KCNMA1: variants seen among roughly 807,000 people sequenced by gnomAD.
The protein encoded by KCNMA1 is potassium calcium-activated channel subfamily M alpha 1.
KCNMA1 carries 29 observed loss-of-function variants against 140.0 expected under a neutral mutation model. The ratio of observed to expected loss-of-function variants is 0.21; its 90% CI spans 0.15 to 0.28. The LOEUF (loss-of-function observed/expected upper bound fraction) is 0.28. Among genes scored for constraint, KCNMA1 ranks in the 10% least tolerant of loss-of-function variants. The probability of loss-of-function intolerance (pLI) is 1.00; values close to 1 mark genes in which losing one functional copy is unlikely to be tolerated. For synonymous variants in KCNMA1, 612 were observed against 611.9 expected (o/e 1.00, Z 0.00); for missense variants, 880 against 1,602.2 (o/e 0.55, Z 7.70).
chr10:77,261,943 T>C (rs1483038361), intron 2 of KCNMA1, among the ~76,000 whole-genome samples: 1 of 152,196 alleles, frequency 6.6e-6, no homozygotes, highest in African/African-American at 2.4e-5. Context: ...TTTAATTTAA[T>C]TAGGTTTATG....
Position 77,005,870 on chromosome 10 carries a change from C to T in KCNMA1, c.2093-4290G>A, listed in dbSNP as rs143268105. Among the ~76,000 whole-genome samples, 47 of 152,272 alleles carry T rather than the reference C, an allele frequency of 3.1e-4. 2 individuals carry two copies. The highest frequency in any genetic ancestry group is 1.1e-3 in the African/African-American group (45 of 41,570). On this transcript the variant is annotated intron_variant, in intron 18 of 27. Transcript: ENST00000286628. ...TTTGTTTACTCTTGAGTGTTTAAAA[C>T]AAAAAGGCTTCTCAGAAGTGTTCTT...
chr10:76,969,300 GGGAAGGAAGGAAGGAA>G (rs150214377), intron 20 of KCNMA1, among the ~76,000 whole-genome samples: 2 of 109,288 alleles, frequency 1.8e-5, no homozygotes, highest in Non-Finnish European at 3.7e-5. Context: ...GAAGGAAGGA[GGGAAGGAAGGAAGGAA>G]GGAAGGAAGG....
At chr10:77,395,633 G>C (rs1386034850) in intron 2 of KCNMA1, among the ~76,000 whole-genome samples, 6 of 152,192 alleles carry the variant, frequency 3.9e-5, no homozygotes, top group Non-Finnish European at 7.3e-5. Flanking sequence ...CTCGAGGAGG[G>C]GGATGAGAAA....
intron 1 of KCNMA1, among the ~76,000 whole-genome samples, chr10:77,432,705 T>C (rs561448158): frequency 4.1e-4 from 62 of 152,324 alleles, no homozygotes; most frequent in Middle Eastern, 3.4e-3. Flanking sequence ...CATACTGTCA[T>C]TTCAAAAGAG....
At chr10:77,157,206 C>G (rs1366321147) in intron 5 of KCNMA1, among the ~76,000 whole-genome samples, 1 of 152,116 alleles carries the variant, frequency 6.6e-6, no homozygotes, top group Non-Finnish European at 1.5e-5. Flanking sequence ...CTATGGGAGG[C>G]TGAGGCAGGC....
chr10:77,324,967 C>CTGTG (rs1311945252), intron 2 of KCNMA1, among the ~76,000 whole-genome samples: 36 of 97,352 alleles, frequency 3.7e-4, no homozygotes, highest in South Asian at 1.9e-3. Context: ...CTCTCTCTCT[C>CTGTG]TCTCTGTGTG....
intron 2 of KCNMA1, among the ~76,000 whole-genome samples, chr10:77,328,686 G>C (rs1363582214): frequency 6.6e-6 from 1 of 152,068 alleles, no homozygotes; most frequent in Non-Finnish European, 1.5e-5. Context: ...TGATGCAAAT[G>C]GTATCAACAA....
chr10:76,982,277 A>G (rs1407695821), intron 19 of KCNMA1, among the ~76,000 whole-genome samples: 2 of 151,982 alleles, frequency 1.3e-5, no homozygotes, highest in African/African-American at 4.8e-5. Flanking sequence ...AGGGAGGGCT[A>G]CATGAAATGT....
chr10:77,254,507 G>A (rs1392117472), intron 2 of KCNMA1, among the ~76,000 whole-genome samples: 3 of 152,154 alleles, frequency 2.0e-5, no homozygotes, highest in Non-Finnish European at 4.4e-5. Flanking sequence ...ACAGGCATGA[G>A]CCACTGCACC....
chr10:76,933,302 G>C (rs974377750), intron 23 of KCNMA1, among the ~76,000 whole-genome samples: 2 of 152,212 alleles, frequency 1.3e-5, no homozygotes, highest in Non-Finnish European at 2.9e-5. Context: ...CCTCTACTGA[G>C]TGTCTACTAG....
At chr10:77,385,620 T>C (rs913642145) in intron 2 of KCNMA1, among the ~76,000 whole-genome samples, 2 of 152,234 alleles carry the variant, frequency 1.3e-5, no homozygotes, top group African/African-American at 4.8e-5. Context: ...TGTATGCGAA[T>C]ACTCTCCAAG....
intron 1 of KCNMA1, among the ~76,000 whole-genome samples, chr10:77,469,188 G>C (rs1161885820): frequency 6.6e-6 from 1 of 152,044 alleles, no homozygotes; most frequent in Non-Finnish European, 1.5e-5. Flanking sequence ...GCCACAATAG[G>C]AACCCCGCTA....
At chr10:77,570,888 G>A (rs957818463) in intron 1 of KCNMA1, among the ~76,000 whole-genome samples, 1 of 150,134 alleles carries the variant, frequency 6.7e-6, no homozygotes, top group Non-Finnish European at 1.5e-5. Context: ...ACAGGATTGC[G>A]CCACTGCACT....
At chr10:77,587,317 T>C (rs1409479664) in intron 1 of KCNMA1, among the ~76,000 whole-genome samples, 4 of 152,124 alleles carry the variant, frequency 2.6e-5, no homozygotes, top group Non-Finnish European at 5.9e-5. Flanking sequence ...AATATAGGCT[T>C]ATGTAAACAG....
At chr10:77,519,160 G>A (rs569624851) in intron 1 of KCNMA1, among the ~76,000 whole-genome samples, 16 of 152,352 alleles carry the variant, frequency 1.1e-4, no homozygotes, top group East Asian at 3.9e-4. Flanking sequence ...GCTTCAGCCC[G>A]CCTGGCCTGG....
chr10:77,560,987 G>T (rs1296772983), intron 1 of KCNMA1, among the ~76,000 whole-genome samples: 1 of 152,186 alleles, frequency 6.6e-6, no homozygotes, highest in Non-Finnish European at 1.5e-5. Flanking sequence ...CTGGAAAAAT[G>T]AGGGAGTGAG....
At chr10:76,940,799 A>G (rs989851950) in intron 23 of KCNMA1, among the ~76,000 whole-genome samples, 4 of 151,604 alleles carry the variant, frequency 2.6e-5, no homozygotes, top group African/African-American at 9.7e-5. Flanking sequence ...TGTCTCTACT[A>G]AAAATACAAA....
rs772878572 is a variant in KCNMA1 at position 77,082,002 on chromosome 10, C to CTTTTTTTTTTTTTTTTTTTTTTTTTTT, written c.1524-2453_1524-2452insAAAAAAAAAAAAAAAAAAAAAAAAAAA. On this transcript the variant is annotated intron_variant, in intron 12 of 27. Coordinates refer to ENST00000286628, the MANE Select transcript of KCNMA1 (RefSeq NM_001161352.2). ...CCTTTGACCAGTAATTTCTTTTTTT[C>CTTTTTTTTTTTTTTTTTTTTTTTTTTT]TTTTCTTTTTTTTTTTTTTTTTTTT... Among the ~76,000 whole-genome samples the CTTTTTTTTTTTTTTTTTTTTTTTTTTT allele has an allele frequency of 5.8e-5, 3 of 51,650 alleles. 1 individual carries two copies. The highest frequency in any genetic ancestry group is 9.2e-5 in the Non-Finnish European group (2 of 21,714). 33.9% of individuals were successfully genotyped at this position (51,650 alleles called of 152,430 possible). A position where few individuals can be genotyped will look rare whatever the true frequency, so the allele number is the denominator to read the frequency against.
intron 5 of KCNMA1, among the ~76,000 whole-genome samples, chr10:77,175,665 G>A (rs1375181062): frequency 6.6e-6 from 1 of 152,192 alleles, no homozygotes; most frequent in African/African-American, 2.4e-5. Flanking sequence ...GATGAGAATG[G>A]GAAAGCTGCA....
Sources: allele counts gnomAD v4.1 joint callset (sites outside exome capture counted in the v4.1 genomes callset), GRCh38; gene constraint gnomAD v4.1.1; transcripts MANE v1.5; gene names NCBI Gene and HGNC (gene_info 2026-07-23, HGNC 2026-07-21).